The following MRPS33 variants were observed in gnomAD, a reference collection of about 807,000 sequenced individuals.
The protein encoded by MRPS33 is small ribosomal subunit protein mS33.
In MRPS33, 11 loss-of-function variants were observed where a neutral mutation model predicts 11.2. The ratio of observed to expected loss-of-function variants is 0.99; its 90% CI spans 0.62 to 1.63. The LOEUF is 1.63. Among genes scored for constraint, MRPS33 ranks in the 40% most tolerant of loss-of-function variants. The pLI is 0.00. For missense variants in MRPS33, 109 were observed against 127.8 expected (o/e 0.85, Z 0.71); for synonymous variants, 46 against 44.0 (o/e 1.05, Z -0.18).
rs1417908120 is a variant in MRPS33 at position 141,005,421 on chromosome 7, T to C, written c.*1009A>G. 2.0e-5 allele frequency: 3 copies of C among 152,302 alleles called. No homozygotes were observed. In the East Asian group the frequency reaches 5.8e-4, roughly 29 times the overall value. 9.4% of individuals were successfully genotyped at this position (152,302 alleles called of 1,614,324 possible). A position where few individuals can be genotyped will look rare whatever the true frequency, so the allele number is the denominator to read the frequency against. ...CAGGCTGGAGTGCAGTGGCGTGATC[T>C]CAACTCACTGCAACCTTTGCCTCCC... On this transcript the variant is annotated 3_prime_UTR_variant, in exon 3 of 3. Transcript: ENST00000324787.
chr7:141,008,397 G>A lies in MRPS33; in HGVS notation c.216-1862C>T, dbSNP rs769842049. ...ATAATAAAATTAGTTTTTATTTTCT[G>A]AGCCCAGACTAATGGCAAGAGAGGT... On this transcript the variant is annotated intron_variant, in intron 2 of 2. Transcript: ENST00000324787. Among the ~76,000 whole-genome samples the A allele has an allele frequency of 6.7e-4, 102 of 152,094 alleles. 1 individual carries two copies. The highest frequency in any genetic ancestry group is 1.8e-4 in the Non-Finnish European group (12 of 68,010).
In MRPS33 at chr7:141,010,566, G is replaced by C; in HGVS notation, c.68C>G (p.Thr23Ser). Residue 23 changes from threonine to serine, a missense_variant, in exon 2 of 3, where the codon ACC becomes AGC. By Grantham distance (58) the Thr-to-Ser change is moderately conservative. Coordinates refer to ENST00000324787, the MANE Select transcript of MRPS33 (RefSeq NM_053035.3). The part of the protein sequence containing the change: ...RLSARLFGEV[T>S]RPTNSKSMKV... ...CATAGACTTGGAATTAGTAGGCCTG[G>C]TGACTTCACCAAATAGCCGGGCACT... 6.2e-7 allele frequency: 1 copy of C among 1,614,180 alleles called. No individual in the cohort carries two copies. The highest frequency in any genetic ancestry group is 1.6e-4 in the Middle Eastern group (1 of 6,062).
rs183868235 is a variant in MRPS33 at position 141,012,415 on chromosome 7, T to G, written c.-27-1755A>C. Among the ~76,000 whole-genome samples, 126 of 152,172 alleles carry G rather than the reference T, an allele frequency of 8.3e-4. 1 individual carries two copies. Among genetic ancestry groups the G allele is most frequent in the Middle Eastern group, 6.8e-3 (2 of 294 alleles). ...GATTCACTTCTTTGCCAACTCTGGT[T>G]GGGGGTGGGGTTGTTAGGACTAGGG... is the stretch of plus-strand genomic sequence containing the variant. On this transcript the variant is annotated intron_variant, in intron 1 of 2. Coordinates refer to ENST00000324787, the MANE Select transcript of MRPS33 (RefSeq NM_053035.3).
chr7:141,007,289 C>T (rs922130043), intron 2 of MRPS33, among the ~76,000 whole-genome samples: 3 of 152,074 alleles, frequency 2.0e-5, no homozygotes, highest in African/African-American at 7.2e-5. Context: ...AGTGGCCTTA[C>T]CTCCCTGCAC....
chr7:141,006,882 G>A (rs951741557), intron 2 of MRPS33, among the ~76,000 whole-genome samples: 1 of 152,202 alleles, frequency 6.6e-6, no homozygotes, highest in African/African-American at 2.4e-5. Context: ...AGGAGACAAA[G>A]TGGGAATCTG....
Position 141,006,484 on chromosome 7 carries a change from A to G in MRPS33, c.267T>C (p.Arg89=). 3 of 1,613,970 alleles carry G rather than the reference A, an allele frequency of 1.9e-6. No homozygotes were observed. The highest frequency in any genetic ancestry group is 2.5e-6 in the Non-Finnish European group (3 of 1,180,026). The change falls in exon 3 of 3, where the codon CGT becomes CGC. Residue 89 remains arginine, a synonymous_variant. Transcript: ENST00000324787. ...CTCCTTTCTTTGGTTTCTCCTTTCC[A>G]CGAAGCTTCTTTAGTCGTTTTTGCT... ...MDEQKRLKKL[R]GKEKPKKGEG...
At chr7:141,013,114 A>C (rs1024428640) in intron 1 of MRPS33, among the ~76,000 whole-genome samples, 1 of 152,144 alleles carries the variant, frequency 6.6e-6, no homozygotes, top group African/African-American at 2.4e-5. Context: ...TATAGTAAAA[A>C]CTTTGTGCCT....
chr7:141,007,599 C>T (rs190304141), intron 2 of MRPS33, among the ~76,000 whole-genome samples: 4 of 152,282 alleles, frequency 2.6e-5, no homozygotes, highest in East Asian at 3.9e-4. Context: ...CCTTGCAATC[C>T]GTCTCCAGTC....
Position 141,008,418 on chromosome 7 carries a change from G to C in MRPS33, c.216-1883C>G, listed in dbSNP as rs900234661. Among the ~76,000 whole-genome samples, 6 of 152,328 alleles carry C rather than the reference G, an allele frequency of 3.9e-5. No individual in the cohort carries two copies. In the South Asian group the frequency reaches 6.2e-4, roughly 16 times the overall value. On this transcript the variant is annotated intron_variant, in intron 2 of 2. Coordinates refer to ENST00000324787, the MANE Select transcript of MRPS33 (RefSeq NM_053035.3). ...TTCTGAGCCCAGACTAATGGCAAGAGAGGTAGTCCCAAAGCAATTCCAAAC... is the reference window on the plus strand; with the variant it reads ...TTCTGAGCCCAGACTAATGGCAAGACAGGTAGTCCCAAAGCAATTCCAAAC...
rs192837548 is a variant in MRPS33, at chr7:141,010,646, A to T, written c.-13T>A. Reference sequence around the variant, plus strand: ...AAAGGGAGGACATTTCTTGAGTGGCAAGGAGTTAGAGTTCCTATTGAAAAT... The same window carrying T: ...AAAGGGAGGACATTTCTTGAGTGGCTAGGAGTTAGAGTTCCTATTGAAAAT... On this transcript the variant is annotated 5_prime_UTR_variant, in exon 2 of 3. Transcript: ENST00000324787. The T allele has an allele frequency of 3.7e-6, 6 of 1,610,032 alleles. No individual in the cohort carries two copies. The highest frequency in any genetic ancestry group is 5.1e-6 in the Non-Finnish European group (6 of 1,176,424).
In MRPS33 at chr7:141,004,820, T is replaced by G. The variant is rs897394776; in HGVS notation, c.*1610A>C. The stretch of plus-strand genomic sequence containing the variant: ...CAGGCTGGAGTGCAGTGGCACCATC[T>G]CAGCTTACTGCAAGCTCCGCCTCCC... On this transcript the variant is annotated 3_prime_UTR_variant, in exon 3 of 3. Coordinates refer to ENST00000324787, the MANE Select transcript of MRPS33 (RefSeq NM_053035.3). 6.6e-6 allele frequency: 1 copy of G among 152,124 alleles called. No individual in the cohort carries two copies. Among genetic ancestry groups the G allele is most frequent in the Admixed American group, 6.5e-5 (1 of 15,270 alleles). 9.4% of individuals were successfully genotyped at this position (152,124 alleles called of 1,614,324 possible).
chr7:141,014,090 T>C (rs540049570), intron 1 of MRPS33, among the ~76,000 whole-genome samples: 2 of 152,180 alleles, frequency 1.3e-5, no homozygotes, highest in African/African-American at 2.4e-5. Flanking sequence ...AAAAAGCTGG[T>C]TGGAATCTCG....
chr7:141,008,801 ATTT>A (rs10550694), intron 2 of MRPS33, among the ~76,000 whole-genome samples: 13 of 137,854 alleles, frequency 9.4e-5, no homozygotes, highest in South Asian at 2.3e-4. Context: ...TAAAAAAATA[ATTT>A]TTTTTTTTTT....
chr7:141,013,668 A>G (rs1291497365), intron 1 of MRPS33, among the ~76,000 whole-genome samples: 1 of 152,246 alleles, frequency 6.6e-6, no homozygotes, highest in Non-Finnish European at 1.5e-5. Flanking sequence ...AATGTGAACT[A>G]AAGAAAACTG....
intron 1 of MRPS33, chr7:141,014,391 A>C (rs1820750495): frequency 6.6e-6 from 1 of 152,228 alleles, no homozygotes; most frequent in Non-Finnish European, 1.5e-5. Context: ...AACGGCACTG[A>C]AAATGTATTA....
chr7:141,010,582 G>T lies in MRPS33; in HGVS notation c.52C>A (p.Leu18Ile), dbSNP rs1466591310. ...AFRMSRLSAR[L>I]FGEVTRPTNS... ...GTAGGCCTGGTGACTTCACCAAATAGCCGGGCACTGAGACGAGACATGCGG... is the reference window on the plus strand; with the variant it reads ...GTAGGCCTGGTGACTTCACCAAATATCCGGGCACTGAGACGAGACATGCGG... The change falls in exon 2 of 3, where the codon CTA (leucine) becomes ATA (isoleucine). Residue 18 changes from leucine to isoleucine, a missense_variant. Coordinates refer to ENST00000324787, the MANE Select transcript of MRPS33 (RefSeq NM_053035.3). 1 of 1,614,088 alleles carries T rather than the reference G, an allele frequency of 6.2e-7. No homozygotes were observed. The highest frequency in any genetic ancestry group is 1.3e-5 in the African/African-American group (1 of 74,934).
chr7:141,006,594 A>C, intron 2 of MRPS33, 59 bp from the exon 3 acceptor site: 5 of 1,376,320 alleles, frequency 3.6e-6, no homozygotes, highest in South Asian at 1.2e-5. Flanking sequence ...AAAGTACACT[A>C]ATCTAGCACG....
intron 2 of MRPS33, 184 bp downstream of exon 2, chr7:141,010,235 T>C (rs1380583025): frequency 1.0e-5 from 6 of 588,032 alleles, no homozygotes; most frequent in Non-Finnish European, 1.8e-5. Flanking sequence ...GAATTTCCTT[T>C]TTTTTTTTGG....
rs750148841 is a variant in MRPS33, at chr7:141,006,447, C to A, written c.304G>T (p.Ala102Ser). 1 of 1,613,168 alleles carries A rather than the reference C, an allele frequency of 6.2e-7. No homozygotes were observed. Among genetic ancestry groups the A allele is most frequent in the South Asian group, 1.1e-5 (1 of 91,056 alleles). ...EKPKKGEGKR[A>S]AKRK ...GACCAACACTATTTCCTTTTTGCTG[C>A]TCTTTTCCCTTCTCCTTTCTTTGGT... The change falls in exon 3 of 3, where the codon GCA becomes TCA. Residue 102 changes from alanine to serine, a missense_variant. Transcript: ENST00000324787.
Sources: gnomAD v4.1 joint callset for allele counts (sites outside exome capture counted in the v4.1 genomes callset) on GRCh38, gnomAD v4.1.1 for gene constraint, MANE v1.5 for transcripts, NCBI Gene and HGNC (gene_info 2026-07-23, HGNC 2026-07-21) for gene names.